The following SEMA7A variants were observed in gnomAD, a reference collection of about 807,000 sequenced individuals.
SEMA7A encodes the protein semaphorin-7A.
In SEMA7A, 21 loss-of-function variants were observed where a neutral mutation model predicts 67.5. That is an observed-to-expected ratio of 0.31 (90% CI 0.22 to 0.45). The LOEUF is 0.45. Ranked by LOEUF, SEMA7A falls within the 20% of genes least tolerant of loss-of-function variation. SEMA7A has a pLI of 1.00. For missense variants in SEMA7A, 774 were observed against 908.6 expected (o/e 0.85, Z 1.90); for synonymous variants, 364 against 368.5 (o/e 0.99, Z 0.14).
chr15:74,433,335 G>A (rs1032744019), intron 1 of SEMA7A, among the ~76,000 whole-genome samples: 1 of 151,474 alleles, frequency 6.6e-6, no homozygotes, highest in Non-Finnish European at 1.5e-5. Flanking sequence ...AGCAGAGCCC[G>A]CAGCTCAAAA....
intron 1 of SEMA7A, 147 bp from the exon 2 acceptor site, chr15:74,419,099 C>A (rs1374233494): frequency 1.1e-6 from 1 of 902,686 alleles, no homozygotes; most frequent in Admixed American, 2.8e-5. Context: ...GGGTGGTACC[C>A]AGACTCAGAG....
chr15:74,433,789 C>A lies in SEMA7A; in HGVS notation c.130G>T (p.Ala44Ser). 1.4e-6 allele frequency: 2 copies of A among 1,431,902 alleles called. No homozygotes were observed. The highest frequency in any genetic ancestry group is 1.4e-5 in the South Asian group (1 of 71,512). 88.7% of individuals were successfully genotyped at this position (1,431,902 alleles called of 1,614,324 possible). Residue 44 changes from alanine to serine, a missense_variant, in exon 1 of 14, where the codon GCC becomes TCC. By Grantham distance (99) the Ala-to-Ser change is moderately conservative. Transcript: ENST00000261918. ...GGTCCGCTCCTTAGGTGGCCCTGGG[C>A]GGAGGCGGCGGCCGCCCAGAGCAGC... is the stretch of plus-strand genomic sequence containing the variant. ...LLLLWAAAAS[A>S]QGHLRSGPRI...
intron 6 of SEMA7A, 91 bp downstream of exon 6, chr15:74,417,244 G>A: frequency 9.7e-7 from 1 of 1,033,416 alleles, no homozygotes; most frequent in Non-Finnish European, 1.5e-6. Context: ...CGGCCCTCAG[G>A]GAGCCCTCCC....
chr15:74,417,929 T>C lies in SEMA7A; in HGVS notation c.413A>G (p.Glu138Gly). ...NYITLLERRS[E>G]GLLACGTNAR... ...GTTGGTGCCACAGGCCAGCAGCCCC[T>C]CACTCCGCCTCTCCAGGAGAGTGAT... Residue 138 changes from glutamate (E) to glycine (G), a missense_variant, in exon 4 of 14, where the codon GAG becomes GGG. Around this residue, in one of 2 missense-constraint regions of SEMA7A, gnomAD observed 347 missense variants for 353.2 expected, o/e 0.98. Coordinates refer to ENST00000261918, the MANE Select transcript of SEMA7A (RefSeq NM_003612.5). 6.2e-7 allele frequency: 1 copy of C among 1,613,312 alleles called. No individual in the cohort carries two copies. Among genetic ancestry groups the C allele is most frequent in the Non-Finnish European group, 8.5e-7 (1 of 1,180,006 alleles).
chr15:74,423,571 T>A lies in SEMA7A; in HGVS notation c.179-4619A>T, dbSNP rs935011923. ...AGCCTCTCCCTACTTCCCTGAATCA[T>A]CCCTACTCTACCCTTCCCTCTCTTG... is the stretch of plus-strand genomic sequence containing the variant. On this transcript the variant is annotated intron_variant, in intron 1 of 13. Coordinates refer to ENST00000261918, the MANE Select transcript of SEMA7A (RefSeq NM_003612.5). This position sits in a 1 kb window ranked among gnomAD's most constrained non-coding sequence, Gnocchi z 4.1. Among the ~76,000 whole-genome samples, 1 of 152,156 alleles carries A rather than the reference T, an allele frequency of 6.6e-6. No homozygotes were observed. Among genetic ancestry groups the A allele is most frequent in the Non-Finnish European group, 1.5e-5 (1 of 68,036 alleles).
intron 1 of SEMA7A, among the ~76,000 whole-genome samples, chr15:74,421,745 T>C (rs541774298): frequency 6.6e-5 from 10 of 152,202 alleles, no homozygotes; most frequent in Non-Finnish European, 1.2e-4. Flanking sequence ...TTTGTTCAGG[T>C]TGGCAGGAGC....
chr15:74,412,475 A>G (rs1281810552), intron 10 of SEMA7A, among the ~76,000 whole-genome samples: 1 of 152,160 alleles, frequency 6.6e-6, no homozygotes, highest in African/African-American at 2.4e-5. Context: ...TGGAACCCAA[A>G]TCTGTCAGAG....
rs141987722 is a variant in SEMA7A, at chr15:74,410,261, A to G, written c.*363T>C. 883 of 227,204 alleles carry G rather than the reference A, an allele frequency of 3.9e-3. 9 individuals carry two copies. Among genetic ancestry groups the G allele is most frequent in the African/African-American group, 0.019 (831 of 43,912 alleles). The allele number at this position is 227,204 out of a possible 1,614,324, so 14.1% of individuals were successfully genotyped here. A position where few individuals can be genotyped will look rare whatever the true frequency, so the allele number is the denominator to read the frequency against. On this transcript the variant is annotated 3_prime_UTR_variant, in exon 14 of 14. Coordinates refer to ENST00000261918, the MANE Select transcript of SEMA7A (RefSeq NM_003612.5). The surrounding 1 kb of genome is among the most constrained non-coding windows in gnomAD (Gnocchi z 7.5). ...GGCCTCAGCCCCAGGGTCGAGATGG[A>G]GTCCCAGCTCTCCTATCCAAACCCA...
intron 1 of SEMA7A, among the ~76,000 whole-genome samples, chr15:74,424,990 T>C (rs1002900050): frequency 4.0e-5 from 6 of 151,572 alleles, no homozygotes; most frequent in Non-Finnish European, 8.8e-5. Flanking sequence ...CAACCCCAAG[T>C]GGAGGGAGGG....
intron 1 of SEMA7A, among the ~76,000 whole-genome samples, chr15:74,429,771 G>A (rs1333019227): frequency 1.3e-5 from 2 of 151,926 alleles, no homozygotes; most frequent in African/African-American, 2.4e-5. Context: ...CTGACTCAAC[G>A]CCTCTTCACA....
rs150689794 is a variant in SEMA7A, at chr15:74,418,898, A to G, written c.233T>C (p.Leu78Pro). Residue 78 changes from leucine to proline, a missense_variant, in exon 2 of 14, where the codon CTT (leucine) becomes CCT (proline). Leu to Pro is a moderately conservative substitution (Grantham distance 98). Around this residue, in one of 2 missense-constraint regions of SEMA7A, gnomAD observed 347 missense variants for 353.2 expected, o/e 0.98. Transcript: ENST00000261918. The stretch of plus-strand genomic sequence containing the variant: ...AGAGGAGCTGCCTGGCTCGTGGAAA[A>G]GCACCGTGTGCGGCTCAGTCTGGCC... Reference protein sequence around the residue: ...DFGQTEPHTVLFHEPGSSSVW... With the variant: ...DFGQTEPHTVPFHEPGSSSVW... The G allele has an allele frequency of 6.2e-6, 10 of 1,613,726 alleles. No homozygotes were observed. The African/African-American group carries it at 1.3e-4, about 22-fold the overall frequency.
At chr15:74,415,479 C>T (rs1392995447) in intron 8 of SEMA7A, among the ~76,000 whole-genome samples, 6 of 152,206 alleles carry the variant, frequency 3.9e-5, no homozygotes, top group Non-Finnish European at 5.9e-5. Context: ...CCCAGCTCCC[C>T]GAGAGATGCT....
intron 1 of SEMA7A, among the ~76,000 whole-genome samples, chr15:74,432,908 T>C (rs1379842211): frequency 6.6e-6 from 1 of 152,052 alleles, no homozygotes; most frequent in Admixed American, 6.5e-5. Context: ...GTACAGGGTC[T>C]AAACTGAGGT....
intron 8 of SEMA7A, among the ~76,000 whole-genome samples, chr15:74,415,599 A>G (rs1169831094): frequency 6.6e-6 from 1 of 152,082 alleles, no homozygotes; most frequent in Non-Finnish European, 1.5e-5. Flanking sequence ...ACACACACCC[A>G]TGAGTGCAGA....
At position 74,409,812 on chromosome 15, in the gene SEMA7A, G is replaced by T. The variant is rs1264326781; in HGVS notation, c.*812C>A. On this transcript the variant is annotated 3_prime_UTR_variant, in exon 14 of 14. Transcript: ENST00000261918. Reference sequence around the variant, plus strand: ...CGTCCCCCTCAGACCGGGCTCCCAGGGCAGAGCCAGCTCATGCCACTCTCC... The same window carrying T: ...CGTCCCCCTCAGACCGGGCTCCCAGTGCAGAGCCAGCTCATGCCACTCTCC... 1 of 139,734 alleles carries T rather than the reference G, an allele frequency of 7.2e-6. No homozygotes were observed. The highest frequency in any genetic ancestry group is 7.5e-5 in the Admixed American group (1 of 13,318). The allele number at this position is 139,734 out of a possible 1,614,324, so 8.7% of individuals were successfully genotyped here.
At chr15:74,430,751 C>T (rs2061081779) in intron 1 of SEMA7A, among the ~76,000 whole-genome samples, 1 of 152,216 alleles carries the variant, frequency 6.6e-6, no homozygotes, top group Non-Finnish European at 1.5e-5. Context: ...ATGAACACAT[C>T]TAAGTCCCCA....
chr15:74,416,747 T>C, intron 6 of SEMA7A, 33 bp from the exon 7 acceptor site: 1 of 1,607,136 alleles, frequency 6.2e-7, no homozygotes, highest in Non-Finnish European at 8.5e-7. Context: ...GGCGTAAGGC[T>C]GGGAAGCTTG....
In SEMA7A at chr15:74,418,962, A is replaced by G; in HGVS notation, c.179-10T>C. The G allele has an allele frequency of 1.2e-6, 2 of 1,611,830 alleles. No homozygotes were observed. The highest frequency in any genetic ancestry group is 8.5e-7 in the Non-Finnish European group (1 of 1,179,650). ...TCCTGCCCTACATGGCCTGAGGAGG[A>G]GACAATTAGTAGAAACATTGAAGCC... On this transcript the variant is annotated splice_polypyrimidine_tract_variant and intron_variant, in intron 1 of 13. Coordinates refer to ENST00000261918, the MANE Select transcript of SEMA7A (RefSeq NM_003612.5).
Position 74,423,025 on chromosome 15 carries a change from T to C in SEMA7A, c.179-4073A>G, listed in dbSNP as rs2061013394. 6.6e-6 allele frequency among the ~76,000 whole-genome samples: 1 copy of C among 152,160 alleles called. No homozygotes were observed. The highest frequency in any genetic ancestry group is 1.5e-5 in the Non-Finnish European group (1 of 68,030). On this transcript the variant is annotated intron_variant, in intron 1 of 13. Transcript: ENST00000261918. This position sits in a 1 kb window ranked among gnomAD's most constrained non-coding sequence, Gnocchi z 4.1. ...ACCCACTGACCCAGTGGGCCTTGAA[T>C]GTAACCTCAAGGAGCCTTTTGAAAG...
Sources: allele counts gnomAD v4.1 joint callset (sites outside exome capture counted in the v4.1 genomes callset), GRCh38; gene constraint gnomAD v4.1.1; regional missense constraint gnomAD v4.1.1; non-coding constraint Gnocchi (gnomAD v3.1); transcripts MANE v1.5; gene names NCBI Gene and HGNC (gene_info 2026-07-23, HGNC 2026-07-21).